ADGRA3: variants seen among roughly 807,000 people sequenced by gnomAD.
ADGRA3 encodes the protein G-protein coupled receptor 125.
ADGRA3 carries 56 observed loss-of-function variants against 119.8 expected under a neutral mutation model. The ratio of observed to expected loss-of-function variants is 0.47; its 90% CI spans 0.38 to 0.58. The LOEUF is 0.58. ADGRA3 is among the 20% of genes least tolerant of loss of function. The pLI, the probability that ADGRA3 is intolerant of heterozygous loss-of-function variation, is 0.00. For synonymous variants in ADGRA3, 607 were observed against 623.8 expected (o/e 0.97, Z 0.40); for missense variants, 1,516 against 1,649.0 (o/e 0.92, Z 1.40).
At chr4:22,409,960 G>A (rs917951564) in intron 14 of ADGRA3, among the ~76,000 whole-genome samples, 1 of 152,150 alleles carries the variant, frequency 6.6e-6, no homozygotes, top group South Asian at 2.1e-4. Flanking sequence ...TTACATCCAT[G>A]TGAGTATAGT....
chr4:22,496,666 T>C (rs1718835880), intron 1 of ADGRA3, among the ~76,000 whole-genome samples: 1 of 152,208 alleles, frequency 6.6e-6, no homozygotes, highest in African/African-American at 2.4e-5. Context: ...TAAGAAATCT[T>C]GAGACCTTTT....
At chr4:22,469,172 T>C (rs1717770147) in intron 2 of ADGRA3, among the ~76,000 whole-genome samples, 1 of 152,092 alleles carries the variant, frequency 6.6e-6, no homozygotes, top group Admixed American at 6.6e-5. Flanking sequence ...CTGGAGGAGG[T>C]GTCCCTGCAC....
intron 1 of ADGRA3, among the ~76,000 whole-genome samples, chr4:22,488,508 G>A (rs1023521001): frequency 3.3e-5 from 5 of 152,278 alleles, no homozygotes; most frequent in Admixed American, 2.0e-4. Context: ...CCTGAGCCTC[G>A]TACAATTCAC....
intron 2 of ADGRA3, among the ~76,000 whole-genome samples, chr4:22,471,294 GA>G (rs1386171897): frequency 2.6e-5 from 4 of 152,120 alleles, no homozygotes. Context: ...GGAAACAACA[GA>G]GGCTGGGGCC....
rs551507026 is a variant in ADGRA3 at position 22,455,853 on chromosome 4, C to T, written c.402-916G>A. Reference sequence around the variant, plus strand: ...GCATCATTGTTTTCAGTGGACTTAGCCCTATGCAAGAAAACCCTAAAACAA... The same window carrying T: ...GCATCATTGTTTTCAGTGGACTTAGTCCTATGCAAGAAAACCCTAAAACAA... On this transcript the variant is annotated intron_variant, in intron 3 of 18. Transcript: ENST00000334304. The T allele has an allele frequency of 2.5e-5, 32 of 1,283,408 alleles. No individual in the cohort carries two copies. The South Asian group carries it at 3.7e-4, about 15-fold the overall frequency. The allele number at this position is 1,283,408 out of a possible 1,614,324, so 79.5% of individuals were successfully genotyped here.
chr4:22,388,740 A>G lies in ADGRA3; in HGVS notation c.2931T>C (p.Ser977=). 2 of 1,614,046 alleles carry G rather than the reference A, an allele frequency of 1.2e-6. No homozygotes were observed. The highest frequency in any genetic ancestry group is 1.7e-6 in the Non-Finnish European group (2 of 1,179,948). The change falls in exon 19 of 19, where the codon TCT becomes TCC. Residue 977 remains serine (S), a synonymous_variant. Transcript: ENST00000334304. ...NGEINHQDSM[S]LSLISTSALE... Reference sequence around the variant, plus strand: ...AGGCTGATGTAGAAATCAGAGACAAAGACATTGAATCCTGATGATTTATTT... The same window carrying G: ...AGGCTGATGTAGAAATCAGAGACAAGGACATTGAATCCTGATGATTTATTT...
intron 2 of ADGRA3, 74 bp downstream of exon 2, chr4:22,473,698 G>T: frequency 3.5e-6 from 3 of 863,816 alleles, no homozygotes; most frequent in Non-Finnish European, 5.3e-6. Context: ...TTTAGTCACA[G>T]ATTTACAATG....
intron 14 of ADGRA3, among the ~76,000 whole-genome samples, chr4:22,405,763 T>G (rs577178718): frequency 6.6e-6 from 1 of 152,164 alleles, no homozygotes. Context: ...CATAATTGTA[T>G]ATATTTATGG....
At chr4:22,482,731 T>C (rs1482306357) in intron 1 of ADGRA3, among the ~76,000 whole-genome samples, 1 of 152,206 alleles carries the variant, frequency 6.6e-6, no homozygotes, top group Non-Finnish European at 1.5e-5. Context: ...ACCAAAAATT[T>C]GCAAGGCAAA....
At chr4:22,480,765 T>C (rs75529738) in intron 1 of ADGRA3, among the ~76,000 whole-genome samples, 2,312 of 152,340 alleles carry the variant, frequency 0.015, 60 homozygotes, top group African/African-American at 0.051. Flanking sequence ...GGGGACTTTA[T>C]GGAATTCTTT....
intron 1 of ADGRA3, among the ~76,000 whole-genome samples, chr4:22,504,129 A>G (rs1258266276): frequency 6.6e-6 from 1 of 152,100 alleles, no homozygotes; most frequent in African/African-American, 2.4e-5. Flanking sequence ...GTGATACCCA[A>G]TTCTACACAC....
At chr4:22,509,400 C>T (rs1033105111) in intron 1 of ADGRA3, among the ~76,000 whole-genome samples, 7 of 150,932 alleles carry the variant, frequency 4.6e-5, no homozygotes, top group African/African-American at 1.7e-4. Flanking sequence ...CTACTCGGGG[C>T]GCTGAGGCAG....
intron 1 of ADGRA3, among the ~76,000 whole-genome samples, chr4:22,475,254 T>C (rs1237173794): frequency 6.6e-6 from 1 of 152,174 alleles, no homozygotes; most frequent in African/African-American, 2.4e-5. Context: ...TAGAAGGAAT[T>C]AGAAAAACCA....
chr4:22,500,379 G>A, intron 1 of ADGRA3, among the ~76,000 whole-genome samples: 1 of 152,226 alleles, frequency 6.6e-6, no homozygotes, highest in South Asian at 2.1e-4. Context: ...AGCTCATAAA[G>A]CTGTTTTAGC....
intron 7 of ADGRA3, among the ~76,000 whole-genome samples, chr4:22,442,199 C>T (rs1716641269): frequency 6.6e-6 from 1 of 151,880 alleles, no homozygotes; most frequent in Non-Finnish European, 1.5e-5. Flanking sequence ...GGTATTCACA[C>T]CAATTATGAG....
intron 7 of ADGRA3, among the ~76,000 whole-genome samples, chr4:22,439,653 A>G (rs1716531615): frequency 6.6e-6 from 1 of 152,244 alleles, no homozygotes; most frequent in Admixed American, 6.5e-5. Flanking sequence ...TTAGAAAAAT[A>G]AACATACTGT....
chr4:22,472,578 T>C (rs1717895337), intron 2 of ADGRA3, among the ~76,000 whole-genome samples: 1 of 152,064 alleles, frequency 6.6e-6, no homozygotes, highest in Non-Finnish European at 1.5e-5. Flanking sequence ...CACACGTATA[T>C]AACCTAACTT....
intron 14 of ADGRA3, among the ~76,000 whole-genome samples, chr4:22,405,137 G>T (rs1185591813): frequency 1.3e-5 from 2 of 152,140 alleles, no homozygotes; most frequent in African/African-American, 4.8e-5. Flanking sequence ...ATAGCCCTTG[G>T]CAGAAAGTAA....
At position 22,401,413 on chromosome 4, in the gene ADGRA3, T is replaced by C. The variant is rs1714641870; in HGVS notation, c.2481+18A>G. On this transcript the variant is annotated intron_variant, in intron 16 of 18. Coordinates refer to ENST00000334304, the MANE Select transcript of ADGRA3 (RefSeq NM_145290.4). ...ATACCAGTAATTTTTTCCATTTCGG[T>C]TTTTCACTCTGACTTACTGCTTGGC... The C allele has an allele frequency of 6.4e-7, 1 of 1,571,362 alleles. No individual in the cohort carries two copies. Among genetic ancestry groups the C allele is most frequent in the Non-Finnish European group, 8.6e-7 (1 of 1,159,128 alleles).
Sources: gnomAD v4.1 joint callset for allele counts (sites outside exome capture counted in the v4.1 genomes callset) on GRCh38, gnomAD v4.1.1 for gene constraint, MANE v1.5 for transcripts, NCBI Gene and HGNC (gene_info 2026-07-23, HGNC 2026-07-21) for gene names.